The following ME3 variants were observed in gnomAD, a reference collection of about 807,000 sequenced individuals.
The protein encoded by ME3 is NADP-dependent malic enzyme, mitochondrial.
Under a neutral mutation model 68.9 loss-of-function variants are expected in ME3, and 48 were observed. The ratio of observed to expected loss-of-function variants is 0.70; its 90% CI spans 0.55 to 0.89. The LOEUF is 0.89. Ranked by LOEUF, ME3 falls within the 40% of genes least tolerant of loss-of-function variation. The pLI is 0.00. For missense variants in ME3, 675 were observed against 797.4 expected (o/e 0.85, Z 1.85); for synonymous variants, 320 against 318.8 (o/e 1.00, Z -0.04).
rs1209160540 is a variant in ME3 at position 86,475,849 on chromosome 11, CAG to C, written c.810-10651_810-10650del. On this transcript the variant is annotated intron_variant, in intron 7 of 14. Coordinates refer to ENST00000543262, the Ensembl canonical transcript of ME3. ...AACCACAGAAGGCATTCCTAATATTCAGTATATATATATATATATATATATAG... is the reference window on the plus strand; with the variant it reads ...AACCACAGAAGGCATTCCTAATATTCTATATATATATATATATATATATAG... 5.0e-3 allele frequency among the ~76,000 whole-genome samples: 539 copies of C among 107,818 alleles called. 3 individuals carry two copies. Among genetic ancestry groups the C allele is most frequent in the African/African-American group, 0.018 (466 of 25,626 alleles). The allele number at this position is 107,818 out of a possible 152,430, so 70.7% of individuals were successfully genotyped here.
At chr11:86,619,333 G>A (rs1306268700) in intron 2 of ME3, among the ~76,000 whole-genome samples, 1 of 152,224 alleles carries the variant, frequency 6.6e-6, no homozygotes, top group East Asian at 1.9e-4. Flanking sequence ...ATAGAATACT[G>A]AAATCGTATA....
rs1169051043 is a variant in ME3 at position 86,449,870 on chromosome 11, G to A, written c.1131+19C>T. ...CTATAAGGTGTCAGGAAACCTCCAG[G>A]TCTCCAGACTGACAGTACCTTGACA... On this transcript the variant is annotated intron_variant, in intron 10 of 14. Transcript: ENST00000543262. 1 of 1,588,432 alleles carries A rather than the reference G, an allele frequency of 6.3e-7. No homozygotes were observed. Among genetic ancestry groups the A allele is most frequent in the East Asian group, 2.2e-5 (1 of 44,734 alleles).
chr11:86,634,145 A>T (rs1211528906), intron 2 of ME3, among the ~76,000 whole-genome samples: 1 of 152,186 alleles, frequency 6.6e-6, no homozygotes, highest in Non-Finnish European at 1.5e-5. Context: ...GAGAAGGAAG[A>T]GTAGAGGGAG....
At chr11:86,644,924 G>T (rs529468914) in intron 2 of ME3, among the ~76,000 whole-genome samples, 6 of 152,292 alleles carry the variant, frequency 3.9e-5, no homozygotes, top group African/African-American at 1.4e-4. Flanking sequence ...ACAGAAGCAG[G>T]GTGGGGCATC....
At chr11:86,529,146 T>C (rs1955006660) in intron 4 of ME3, among the ~76,000 whole-genome samples, 1 of 151,956 alleles carries the variant, frequency 6.6e-6, no homozygotes, top group South Asian at 2.1e-4. Context: ...AAGAATCAAA[T>C]AGACGCAATA....
chr11:86,461,515 TGA>T (rs1415990424), intron 8 of ME3, among the ~76,000 whole-genome samples: 1 of 152,194 alleles, frequency 6.6e-6, no homozygotes, highest in African/African-American at 2.4e-5. Flanking sequence ...CAGAATGAGT[TGA>T]GAGGGAAGTT....
rs1434052519 is a variant in ME3, at chr11:86,618,299, C to A, written c.183+53463G>T. On this transcript the variant is annotated intron_variant, in intron 2 of 14. Coordinates refer to ENST00000543262, the Ensembl canonical transcript of ME3. ...TGGGCGACAGAGCAAGGCTCTGTCT[C>A]AAAAAAAAAAAAAAAAAAAAAAAAA... 2.1e-4 allele frequency among the ~76,000 whole-genome samples: 12 copies of A among 55,944 alleles called. 1 individual carries two copies. Among genetic ancestry groups the A allele is most frequent in the Non-Finnish European group, 3.1e-4 (10 of 31,764 alleles). The allele number at this position is 55,944 out of a possible 152,430, so 36.7% of individuals were successfully genotyped here.
chr11:86,466,410 G>T (rs1392123583), intron 7 of ME3, among the ~76,000 whole-genome samples: 1 of 152,244 alleles, frequency 6.6e-6, no homozygotes, highest in Non-Finnish European at 1.5e-5. Flanking sequence ...TGATCCATAA[G>T]AGGTGTCAGG....
chr11:86,632,767 A>G (rs1207420736), intron 2 of ME3, among the ~76,000 whole-genome samples: 1 of 152,150 alleles, frequency 6.6e-6, no homozygotes, highest in African/African-American at 2.4e-5. Flanking sequence ...AGTGATACTG[A>G]AGGCCAGTGG....
intron 2 of ME3, among the ~76,000 whole-genome samples, chr11:86,646,617 G>A (rs1252806516): frequency 6.6e-6 from 1 of 152,146 alleles, no homozygotes; most frequent in Non-Finnish European, 1.5e-5. Flanking sequence ...AACCAAGTTG[G>A]GAAACACACT....
chr11:86,489,165 C>T (rs1253049302), intron 6 of ME3: 1 of 152,124 alleles, frequency 6.6e-6, no homozygotes, highest in Admixed American at 6.5e-5. Flanking sequence ...GTCTTCATCT[C>T]CATCTGAACT....
At chr11:86,665,343 G>A (rs913062967) in intron 2 of ME3, among the ~76,000 whole-genome samples, 1 of 152,074 alleles carries the variant, frequency 6.6e-6, no homozygotes, top group Non-Finnish European at 1.5e-5. Context: ...CACATGTGTC[G>A]GTCAAAGCAG....
exon 3 of ME3, chr11:86,559,756 A>C (rs1957111506): frequency 1.2e-6 from 2 of 1,614,088 alleles, no homozygotes; most frequent in Non-Finnish European, 1.7e-6. Flanking sequence ...GTCCTGGCTC[A>C]GAAAGCAGGG....
At chr11:86,492,643 G>T (rs963482016) in intron 6 of ME3, among the ~76,000 whole-genome samples, 3 of 152,214 alleles carry the variant, frequency 2.0e-5, no homozygotes, top group Non-Finnish European at 4.4e-5. Flanking sequence ...TTAGGTGAAG[G>T]CCTTTATTCA....
intron 2 of ME3, among the ~76,000 whole-genome samples, chr11:86,637,349 C>CAAAAA (rs11402713): frequency 3.1e-4 from 38 of 122,050 alleles, no homozygotes; most frequent in Middle Eastern, 8.9e-3. Flanking sequence ...ACAAGAAGCA[C>CAAAAA]AAAAAAAAAA....
rs151148288 is a variant in ME3, at chr11:86,562,499, C to T, written c.184-2676G>A. Among the ~76,000 whole-genome samples, 943 of 152,200 alleles carry T rather than the reference C, an allele frequency of 6.2e-3. 9 individuals carry two copies. Among genetic ancestry groups the T allele is most frequent in the African/African-American group, 0.02 (817 of 41,516 alleles). On this transcript the variant is annotated intron_variant, in intron 2 of 14. Transcript: ENST00000543262. ...TAAAGTGGCTGTACCATTTTGCATC[C>T]CTGCTAGAAGTGAATGAGAATTTCT...
At chr11:86,530,603 A>G (rs1348223431) in intron 4 of ME3, among the ~76,000 whole-genome samples, 5 of 152,222 alleles carry the variant, frequency 3.3e-5, no homozygotes, top group African/African-American at 1.2e-4. Flanking sequence ...AAACTATACT[A>G]CAAGGCTACA....
At chr11:86,617,054 T>G (rs946948515) in intron 2 of ME3, among the ~76,000 whole-genome samples, 6 of 71,736 alleles carry the variant, frequency 8.4e-5, no homozygotes, top group East Asian at 4.5e-4. Flanking sequence ...AGTTTTTTTT[T>G]TTTTTTTTTT....
chr11:86,493,530 C>G (rs563461452), intron 6 of ME3, among the ~76,000 whole-genome samples: 1 of 152,186 alleles, frequency 6.6e-6, no homozygotes, highest in African/African-American at 2.4e-5. Context: ...GGGGGTTGAA[C>G]GAGATGGTAC....
Sources: allele counts gnomAD v4.1 joint callset (sites outside exome capture counted in the v4.1 genomes callset), GRCh38; gene constraint gnomAD v4.1.1; transcripts MANE v1.5; gene names NCBI Gene and HGNC (gene_info 2026-07-23, HGNC 2026-07-21).